Variants in GABRB1 observed in about 807,000 individuals in gnomAD.
GABRB1 encodes gamma-aminobutyric acid type A receptor subunit beta1.
In GABRB1, 17 loss-of-function variants were observed where a neutral mutation model predicts 51.6. That is an observed-to-expected ratio of 0.33 (90% CI 0.23 to 0.49). The LOEUF is 0.49. GABRB1 is among the 20% of genes least tolerant of loss of function. The pLI, the probability that GABRB1 is intolerant of heterozygous loss-of-function variation, is 0.99. For synonymous variants in GABRB1, 247 were observed against 218.9 expected, an observed-to-expected ratio of 1.13 and a Z score of -1.14; for missense variants, 410 against 600.6, an observed-to-expected ratio of 0.68 and a Z score of 3.32.
chr4:47,077,374 C>T (rs1727602956), intron 3 of GABRB1, among the ~76,000 whole-genome samples: 1 of 152,108 alleles, frequency 6.6e-6, no homozygotes, highest in Non-Finnish European at 1.5e-5. Flanking sequence ...ACAAAATAGT[C>T]ATTAAGCCAC....
At chr4:47,291,680 T>A (rs1188429542) in intron 4 of GABRB1, among the ~76,000 whole-genome samples, 1 of 152,074 alleles carries the variant, frequency 6.6e-6, no homozygotes, top group Non-Finnish European at 1.5e-5. Context: ...TGGATGTGAG[T>A]GAGACATGAA....
At chr4:47,207,565 A>G (rs1243255030) in intron 4 of GABRB1, among the ~76,000 whole-genome samples, 1 of 152,072 alleles carries the variant, frequency 6.6e-6, no homozygotes, top group Non-Finnish European at 1.5e-5. Flanking sequence ...GATATTGACC[A>G]ACGGTAACCC....
chr4:47,194,507 T>C (rs1449081336), intron 4 of GABRB1, among the ~76,000 whole-genome samples: 2 of 152,212 alleles, frequency 1.3e-5, no homozygotes, highest in Non-Finnish European at 2.9e-5. Flanking sequence ...ATTAAATTTT[T>C]AGTCTTCTTT....
intron 1 of GABRB1, among the ~76,000 whole-genome samples, chr4:47,005,285 G>A (rs1224493135): frequency 6.6e-6 from 1 of 152,184 alleles, no homozygotes; most frequent in African/African-American, 2.4e-5. Context: ...AGGCATGGTG[G>A]CGGGCGCCTG....
intron 4 of GABRB1, among the ~76,000 whole-genome samples, chr4:47,263,140 A>G (rs976712414): frequency 2.0e-5 from 3 of 151,898 alleles, no homozygotes; most frequent in African/African-American, 7.3e-5. Context: ...ACATGTATAC[A>G]TATGTAACTA....
rs114383450 is a variant in GABRB1, at chr4:47,421,677, A to G, written c.1081-3997A>G. 8.3e-3 allele frequency among the ~76,000 whole-genome samples: 1,268 copies of G among 152,190 alleles called. 19 individuals are homozygous for G. The highest frequency in any genetic ancestry group is 0.029 in the African/African-American group (1,202 of 41,530). On this transcript the variant is annotated intron_variant, in intron 8 of 8. Coordinates refer to ENST00000295454, the MANE Select transcript of GABRB1 (RefSeq NM_000812.4). ...TCAATTTTTGTTCTGTCCTCTACCC[A>G]TCCTTTAAAACTCAATGCAAGGCCC...
At position 47,373,632 on chromosome 4, in the gene GABRB1, G is replaced by A. The variant is rs182872153; in HGVS notation, c.545-29686G>A. On this transcript the variant is annotated intron_variant, in intron 5 of 8. Coordinates refer to ENST00000295454, the MANE Select transcript of GABRB1 (RefSeq NM_000812.4). ...TTCCATTTGTCATCTCTAGAATAAG[G>A]ACAATACCAACTTTGTGGAGTCTTG... is the stretch of plus-strand genomic sequence containing the variant. Among the ~76,000 whole-genome samples, 104 of 152,198 alleles carry A rather than the reference G, an allele frequency of 6.8e-4. 1 individual carries two copies. Among genetic ancestry groups the A allele is most frequent in the Non-Finnish European group, 8.2e-4 (56 of 68,020 alleles).
intron 5 of GABRB1, among the ~76,000 whole-genome samples, chr4:47,327,401 G>A (rs920228379): frequency 6.6e-6 from 1 of 151,550 alleles, no homozygotes; most frequent in African/African-American, 2.4e-5. Flanking sequence ...AATTATAAAA[G>A]TGTTAACCAA....
chr4:47,425,810 A>G lies in GABRB1; in HGVS notation c.1217A>G (p.Lys406Arg), dbSNP rs771871274. The G allele has an allele frequency of 6.2e-7, 1 of 1,614,146 alleles. No homozygotes were observed. The highest frequency in any genetic ancestry group is 2.2e-5 in the East Asian group (1 of 44,868). The change falls in exon 9 of 9, where the codon AAG (lysine) becomes AGG (arginine). Residue 406 changes from lysine (K) to arginine (R), a missense_variant. This residue lies in a region of GABRB1 where 181 missense variants were observed against 195.6 expected (regional missense o/e 0.93). Coordinates refer to ENST00000295454, the MANE Select transcript of GABRB1 (RefSeq NM_000812.4). ...SYDSASIQYR[K>R]PLSSREAYGR... is the part of the protein sequence containing the mutation. ...GACAGCGCCAGCATCCAGTACCGCA[A>G]GCCCCTGAGCAGCCGCGAGGCCTAC...
At chr4:47,105,817 G>A (rs1714943853) in intron 3 of GABRB1, among the ~76,000 whole-genome samples, 1 of 152,092 alleles carries the variant, frequency 6.6e-6, no homozygotes, top group African/African-American at 2.4e-5. Flanking sequence ...ACTGTGGAGA[G>A]GATCCAGTGA....
rs553059453 is a variant in GABRB1, at chr4:47,400,959, C to T, written c.545-2359C>T. 6.5e-5 allele frequency among the ~76,000 whole-genome samples: 8 copies of T among 123,556 alleles called. No homozygotes were observed. The East Asian group carries it at 1.4e-3, about 22-fold the overall frequency. The allele number at this position is 123,556 out of a possible 152,430, so 81.1% of individuals were successfully genotyped here. A position where few individuals can be genotyped will look rare whatever the true frequency, so the allele number is the denominator to read the frequency against. On this transcript the variant is annotated intron_variant, in intron 5 of 8. Transcript: ENST00000295454. ...TTTTTTTTTTTTTGAGACGGAGTCT[C>T]GCTGTGTCACCCAGGCTGGAGTGCA...
intron 3 of GABRB1, among the ~76,000 whole-genome samples, chr4:47,137,143 A>T (rs1243986486): frequency 6.6e-6 from 1 of 152,058 alleles, no homozygotes; most frequent in Admixed American, 6.6e-5. Context: ...AATCATCCCT[A>T]ACTGGCCTCT....
At chr4:47,140,153 G>A (rs1034844346) in intron 3 of GABRB1, among the ~76,000 whole-genome samples, 1 of 149,120 alleles carries the variant, frequency 6.7e-6, no homozygotes, top group Admixed American at 6.7e-5. Flanking sequence ...AGATTCCAAA[G>A]CCTGAAGGCA....
chr4:47,214,139 T>C lies in GABRB1; in HGVS notation c.461+52670T>C, dbSNP rs953512630. Among the ~76,000 whole-genome samples, 6 of 152,258 alleles carry C rather than the reference T, an allele frequency of 3.9e-5. No homozygotes were observed. The East Asian group carries it at 1.2e-3, about 29-fold the overall frequency. On this transcript the variant is annotated intron_variant, in intron 4 of 8. Transcript: ENST00000295454. ...GTCATAAAGAATAATAGATGGTTGT[T>C]CTCCATCTGTGGGAATAGTGTCTTA...
intron 3 of GABRB1, among the ~76,000 whole-genome samples, chr4:47,138,987 A>G (rs765153162): frequency 5.3e-5 from 8 of 152,060 alleles, no homozygotes; most frequent in African/African-American, 9.7e-5. Flanking sequence ...ATGAAAGTGT[A>G]ACTGTAATAA....
intron 4 of GABRB1, among the ~76,000 whole-genome samples, chr4:47,303,349 G>A (rs1724330341): frequency 1.4e-5 from 2 of 140,378 alleles, no homozygotes; most frequent in African/African-American, 5.3e-5. Context: ...AAATGTTTAA[G>A]GTGAATGTTG....
chr4:47,239,607 A>C (rs1721452693), intron 4 of GABRB1, among the ~76,000 whole-genome samples: 2 of 152,242 alleles, frequency 1.3e-5, no homozygotes, highest in African/African-American at 4.8e-5. Flanking sequence ...AACAGAACTT[A>C]GTAAACTGAT....
intron 4 of GABRB1, among the ~76,000 whole-genome samples, chr4:47,163,211 C>A: frequency 6.6e-6 from 1 of 151,910 alleles, no homozygotes; most frequent in East Asian, 1.9e-4. Context: ...TGGGCTAATA[C>A]CCCCTTACTC....
At chr4:47,326,281 C>G (rs1725260659) in intron 5 of GABRB1, among the ~76,000 whole-genome samples, 1 of 152,086 alleles carries the variant, frequency 6.6e-6, no homozygotes, top group Admixed American at 6.6e-5. Context: ...CAATAGTAAC[C>G]AAAAGCTATG....
Sources: gnomAD v4.1 joint callset for allele counts (sites outside exome capture counted in the v4.1 genomes callset) on GRCh38, gnomAD v4.1.1 for gene constraint, gnomAD v4.1.1 regional missense constraint, MANE v1.5 for transcripts, NCBI Gene and HGNC (gene_info 2026-07-23, HGNC 2026-07-21) for gene names.